UIMC1: variants seen among roughly 807,000 people sequenced by gnomAD.
UIMC1 encodes ubiquitin interaction motif containing 1.
UIMC1 carries 42 observed loss-of-function variants against 84.9 expected under a neutral mutation model. The ratio of observed to expected loss-of-function variants is 0.49; its 90% CI spans 0.39 to 0.64. The LOEUF (loss-of-function observed/expected upper bound fraction) is 0.64, where lower values mean the gene tolerates loss of function less well. Among genes scored for constraint, UIMC1 ranks in the 30% least tolerant of loss-of-function variants. The pLI is 0.00. For missense variants in UIMC1, 825 were observed against 847.6 expected, an observed-to-expected ratio of 0.97 and a Z score of 0.33; for synonymous variants, 281 against 293.0, an observed-to-expected ratio of 0.96 and a Z score of 0.42.
At chr5:177,014,052 C>G (rs893042544) in intron 1 of UIMC1, among the ~76,000 whole-genome samples, 4 of 130,696 alleles carry the variant, frequency 3.1e-5, no homozygotes, top group African/African-American at 1.3e-4. Context: ...CACTTTTTTT[C>G]TTTTCTTTTT....
In UIMC1 at chr5:176,912,137, G is replaced by A. The variant is rs62402799; in HGVS notation, c.1598-748C>T. On this transcript the variant is annotated intron_variant, in intron 10 of 14. Coordinates refer to ENST00000511320, the MANE Select transcript of UIMC1 (RefSeq NM_001199298.2). ...ATCCCCACAACAGATAATTTAGCAGGGTTACGAGTAACTTAGGTTGTGAAG... is the reference window on the plus strand; with the variant it reads ...ATCCCCACAACAGATAATTTAGCAGAGTTACGAGTAACTTAGGTTGTGAAG... Among the ~76,000 whole-genome samples the A allele has an allele frequency of 4.6e-3, 696 of 152,240 alleles. 5 individuals carry two copies. The highest frequency in any genetic ancestry group is 0.024 in the Middle Eastern group (7 of 294).
intron 1 of UIMC1, among the ~76,000 whole-genome samples, chr5:177,013,224 G>C (rs1775593381): frequency 1.3e-5 from 2 of 152,088 alleles, no homozygotes; most frequent in African/African-American, 4.8e-5. Context: ...AGCCGGGCTT[G>C]GTGGTGCACA....
At chr5:176,920,648 T>A (rs1213778585) in intron 10 of UIMC1, among the ~76,000 whole-genome samples, 1 of 152,254 alleles carries the variant, frequency 6.6e-6, no homozygotes, top group Admixed American at 6.5e-5. Context: ...GCAAACTTGC[T>A]AAACTCGTTT....
chr5:176,996,227 GA>G (rs1773591389), intron 1 of UIMC1, among the ~76,000 whole-genome samples: 1 of 152,070 alleles, frequency 6.6e-6, no homozygotes, highest in African/African-American at 2.4e-5. Flanking sequence ...TATGAAACTA[GA>G]AAAAAACTAA....
intron 3 of UIMC1, 90 bp from the exon 4 acceptor site, chr5:176,970,956 T>C: frequency 2.0e-6 from 3 of 1,485,354 alleles, no homozygotes; most frequent in Non-Finnish European, 1.8e-6. Flanking sequence ...ACTTTTCAAC[T>C]GAAGACACTA....
At chr5:176,926,816 G>T (rs963861312) in intron 10 of UIMC1, among the ~76,000 whole-genome samples, 1 of 152,054 alleles carries the variant, frequency 6.6e-6, no homozygotes, top group Admixed American at 6.6e-5. Flanking sequence ...CACTATTTTT[G>T]TATCTCATAC....
At chr5:176,951,402 C>T in intron 9 of UIMC1, 72 bp downstream of exon 9, 2 of 1,190,196 alleles carry the variant, frequency 1.7e-6, no homozygotes. Flanking sequence ...CAGCCAATGT[C>T]AACGTTGCAT....
chr5:176,935,606 A>G (rs1763628634), intron 10 of UIMC1, among the ~76,000 whole-genome samples: 1 of 152,244 alleles, frequency 6.6e-6, no homozygotes, highest in African/African-American at 2.4e-5. Context: ...CAATGCAGCA[A>G]TATACTTAAT....
At chr5:176,918,516 T>C (rs765388478) in intron 10 of UIMC1, among the ~76,000 whole-genome samples, 3 of 152,220 alleles carry the variant, frequency 2.0e-5, no homozygotes, top group Admixed American at 6.5e-5. Context: ...AAGCAAACAA[T>C]GAATTCATTT....
At position 176,943,394 on chromosome 5, in the gene UIMC1, G is replaced by A. The variant is rs1341362874; in HGVS notation, c.1538C>T (p.Pro513Leu). The A allele has an allele frequency of 1.8e-5, 29 of 1,614,146 alleles. No individual in the cohort carries two copies. Among genetic ancestry groups the A allele is most frequent in the Non-Finnish European group, 2.1e-5 (25 of 1,180,030 alleles). ...GGCATGTCGTTCAATCTTTGTGGGT[G>A]GAAAGCATTGGTCACATAGCGGGCA... ...VSCPLCDQCF[P>L]PTKIERHAMY... The change falls in exon 10 of 15, where the codon CCA (proline) becomes CTA (leucine). Residue 513 changes from proline to leucine, a missense_variant. Pro to Leu is a moderately conservative substitution (Grantham distance 98). Transcript: ENST00000511320.
At chr5:176,926,282 T>C (rs1356395295) in intron 10 of UIMC1, among the ~76,000 whole-genome samples, 1 of 152,048 alleles carries the variant, frequency 6.6e-6, no homozygotes. Flanking sequence ...GTATTGGCAT[T>C]AATGTTAAAT....
At chr5:177,019,941 A>T (rs919755652) in intron 1 of UIMC1, among the ~76,000 whole-genome samples, 1 of 151,746 alleles carries the variant, frequency 6.6e-6, no homozygotes, top group African/African-American at 2.4e-5. Flanking sequence ...AAAAAAAAAA[A>T]TTGTAAAACA....
At chr5:176,929,378 A>T (rs1172282652) in intron 10 of UIMC1, among the ~76,000 whole-genome samples, 1 of 151,082 alleles carries the variant, frequency 6.6e-6, no homozygotes, top group Non-Finnish European at 1.5e-5. Context: ...CCTGGCTAAC[A>T]CGGTGAAACC....
chr5:176,949,999 G>C (rs1042435173), intron 9 of UIMC1, among the ~76,000 whole-genome samples: 1 of 151,420 alleles, frequency 6.6e-6, no homozygotes, highest in African/African-American at 2.4e-5. Flanking sequence ...AGATTGCAGT[G>C]AGCCGAGATC....
intron 10 of UIMC1, among the ~76,000 whole-genome samples, chr5:176,917,736 G>C (rs1761193706): frequency 6.6e-6 from 1 of 152,208 alleles, no homozygotes; most frequent in Admixed American, 6.5e-5. Context: ...GAGGTGGGTG[G>C]ATCACCTGAG....
chr5:176,957,310 C>A (rs2149464014), intron 7 of UIMC1, among the ~76,000 whole-genome samples: 1 of 152,218 alleles, frequency 6.6e-6, no homozygotes, highest in African/African-American at 2.4e-5. Flanking sequence ...TATGGGAGAA[C>A]AGTCATGCAG....
Position 176,931,669 on chromosome 5 carries a change from G to C in UIMC1, c.1597+11666C>G, listed in dbSNP as rs144509348. Among the ~76,000 whole-genome samples the C allele has an allele frequency of 7.1e-3, 1,087 of 152,378 alleles. 9 individuals carry two copies. The highest frequency in any genetic ancestry group is 0.011 in the Non-Finnish European group (757 of 68,040). ...AGCTGACATGAGGAAATGTTCCACA[G>C]AAAAGTTGAACAAAAGTTGTTAGAA... On this transcript the variant is annotated intron_variant, in intron 10 of 14. Transcript: ENST00000511320.
At chr5:176,985,119 T>C (rs547165608) in intron 1 of UIMC1, among the ~76,000 whole-genome samples, 1 of 152,300 alleles carries the variant, frequency 6.6e-6, no homozygotes, top group South Asian at 2.1e-4. Flanking sequence ...TAGAGGAATT[T>C]TTTTTAGAAA....
Position 176,926,029 on chromosome 5 carries a change from G to A in UIMC1, c.1598-14640C>T, listed in dbSNP as rs115031867. 3.8e-3 allele frequency among the ~76,000 whole-genome samples: 578 copies of A among 152,168 alleles called. 3 individuals are homozygous for A. Among genetic ancestry groups the A allele is most frequent in the African/African-American group, 0.013 (536 of 41,516 alleles). The stretch of plus-strand genomic sequence containing the variant: ...ATACATAGATTTGTAATAAAACATA[G>A]TAAGATATTAATGGAATCTAAGTAA... On this transcript the variant is annotated intron_variant, in intron 10 of 14. Transcript: ENST00000511320.
Sources: allele counts gnomAD v4.1 joint callset (sites outside exome capture counted in the v4.1 genomes callset), GRCh38; gene constraint gnomAD v4.1.1; transcripts MANE v1.5; gene names NCBI Gene and HGNC (gene_info 2026-07-23, HGNC 2026-07-21).